KIR3DL3: variants seen among roughly 807,000 people sequenced by gnomAD.
The protein encoded by KIR3DL3 is killer cell immunoglobulin like receptor, three Ig domains and long cytoplasmic tail 3, also known as killer cell immunoglobulin-like receptor 3DL3.
In KIR3DL3, 27 loss-of-function variants were observed where a neutral mutation model predicts 34.9. The ratio of observed to expected loss-of-function variants is 0.77; its 90% CI spans 0.57 to 1.07. The LOEUF (loss-of-function observed/expected upper bound fraction) is 1.07. Among genes scored for constraint, KIR3DL3 ranks in the 50% least tolerant of loss-of-function variants. The pLI is 0.00. For missense variants in KIR3DL3, 681 were observed against 528.5 expected, an observed-to-expected ratio of 1.29 and a Z score of -2.83; for synonymous variants, 217 against 200.2, an observed-to-expected ratio of 1.08 and a Z score of -0.71.
chr19:54,729,821 A>C, intron 5 of KIR3DL3, 35 bp downstream of exon 5: 1 of 1,574,300 alleles, frequency 6.4e-7, no homozygotes, highest in East Asian at 2.3e-5. Flanking sequence ...ATGTCTTGTG[A>C]TCCTAGAGCC....
At chr19:54,724,568 G>C in intron 1 of KIR3DL3, 38 bp downstream of exon 1, 1 of 1,564,802 alleles carries the variant, frequency 6.4e-7, no homozygotes, top group Admixed American at 1.7e-5. Flanking sequence ...GGAGCGCTGG[G>C]GTGGAGATCT....
Position 54,727,922 on chromosome 19 carries a change from C to T in KIR3DL3, c.655+12C>T. ...CATCGTGGTCGTAGGTGAGAGAATA[C>T]AGACCTGCCTCTCACCCTTGCTGGG... On this transcript the variant is annotated intron_variant, in intron 4 of 7. Transcript: ENST00000291860. The T allele has an allele frequency of 3.1e-6, 5 of 1,596,872 alleles. No homozygotes were observed. Among genetic ancestry groups the T allele is most frequent in the Non-Finnish European group, 3.4e-6 (4 of 1,169,584 alleles).
chr19:54,724,874 G>T (rs1717774961), intron 1 of KIR3DL3, among the ~76,000 whole-genome samples: 1 of 148,026 alleles, frequency 6.8e-6, no homozygotes, highest in Non-Finnish European at 1.5e-5. Context: ...TATGGGCCTG[G>T]AGGTGGAGAT....
In KIR3DL3 at chr19:54,736,558, A is replaced by C. The variant is rs1340632233; in HGVS notation, c.*462A>C. Reference sequence around the variant, plus strand: ...TCAGAGTATCTTTCAGCCTTCTGTCAGCAGTAAAACTTATAAATTTTTTTT... The same window carrying C: ...TCAGAGTATCTTTCAGCCTTCTGTCCGCAGTAAAACTTATAAATTTTTTTT... On this transcript the variant is annotated 3_prime_UTR_variant, in exon 8 of 8. Coordinates refer to ENST00000291860, the MANE Select transcript of KIR3DL3 (RefSeq NM_153443.5). 2 of 152,400 alleles carry C rather than the reference A, an allele frequency of 1.3e-5. No individual in the cohort carries two copies. The highest frequency in any genetic ancestry group is 7.0e-5 in the Admixed American group (1 of 14,206). The allele number at this position is 152,400 out of a possible 1,614,324, so 9.4% of individuals were successfully genotyped here.
chr19:54,733,550 T>TATA lies in KIR3DL3; in HGVS notation c.950-1701_950-1700insAAT, dbSNP rs144502349. Among the ~76,000 whole-genome samples, 7 of 86,536 alleles carry TATA rather than the reference T, an allele frequency of 8.1e-5. No individual in the cohort carries two copies. In the East Asian group the frequency reaches 2.4e-3, roughly 29 times the overall value. 56.8% of individuals were successfully genotyped at this position (86,536 alleles called of 152,430 possible). A position where few individuals can be genotyped will look rare whatever the true frequency, so the allele number is the denominator to read the frequency against. On this transcript the variant is annotated intron_variant, in intron 5 of 7. Transcript: ENST00000291860. ...AAAATAAAAATAAAACATACATAAT[T>TATA]ATGACACACAGAAATTACAAAGGCA...
chr19:54,732,079 C>T (rs1411230996), intron 5 of KIR3DL3, among the ~76,000 whole-genome samples: 7 of 152,148 alleles, frequency 4.6e-5, no homozygotes, highest in Admixed American at 3.9e-4. Flanking sequence ...ATTCTCCTGC[C>T]TTCCACAAAT....
intron 5 of KIR3DL3, among the ~76,000 whole-genome samples, chr19:54,731,743 C>T (rs2068816064): frequency 6.6e-6 from 1 of 152,018 alleles, no homozygotes; most frequent in African/African-American, 2.4e-5. Flanking sequence ...GGCCCCTGGT[C>T]CCCTTCCTCC....
chr19:54,733,996 T>G (rs970041708), intron 5 of KIR3DL3, among the ~76,000 whole-genome samples: 6 of 152,204 alleles, frequency 3.9e-5, no homozygotes, highest in African/African-American at 1.4e-4. Flanking sequence ...TCCTTCCCCG[T>G]GCTTCTCGGG....
At position 54,735,272 on chromosome 19, in the gene KIR3DL3, C is replaced by G; in HGVS notation, c.969C>G (p.His323Gln). 1 of 1,512,290 alleles carries G rather than the reference C, an allele frequency of 6.6e-7. No individual in the cohort carries two copies. The highest frequency in any genetic ancestry group is 9.1e-7 in the Non-Finnish European group (1 of 1,098,800). The allele number at this position is 1,512,290 out of a possible 1,614,324, so 93.7% of individuals were successfully genotyped here. Residue 323 changes from histidine to glutamine, a missense_variant, in exon 6 of 8, where the codon CAC (histidine) becomes CAG (glutamine). Transcript: ENST00000291860. Reference sequence around the variant, plus strand: ...CTCCAGGTAACTCCAGAAACCTGCACGTTCTGATTGGGACCTCAGTGGTCA... The same window carrying G: ...CTCCAGGTAACTCCAGAAACCTGCAGGTTCTGATTGGGACCTCAGTGGTCA... ...VSVTGNSRNL[H>Q]VLIGTSVVII...
chr19:54,735,905 T>G, intron 7 of KIR3DL3, 33 bp downstream of exon 7: 1 of 1,605,662 alleles, frequency 6.2e-7, no homozygotes, highest in Non-Finnish European at 8.5e-7. Flanking sequence ...TCGTGGCTAG[T>G]CTTATTCCCA....
At chr19:54,731,593 C>T (rs1180418396) in intron 5 of KIR3DL3, among the ~76,000 whole-genome samples, 16 of 152,128 alleles carry the variant, frequency 1.1e-4, no homozygotes, top group African/African-American at 3.9e-4. Flanking sequence ...AATTATCTCA[C>T]AGTGCTGTAA....
chr19:54,727,676 A>C lies in KIR3DL3; in HGVS notation c.421A>C (p.Ile141Leu). The C allele has an allele frequency of 6.2e-7, 1 of 1,612,444 alleles. No homozygotes were observed. The highest frequency in any genetic ancestry group is 2.2e-5 in the East Asian group (1 of 44,668). The change falls in exon 4 of 8, where the codon ATC becomes CTC. Residue 141 changes from isoleucine (I) to leucine (L), a missense_variant. Physicochemically the swap from Ile to Leu is conservative, Grantham distance 5 (BLOSUM62 2). Transcript: ENST00000291860. ...CCTGGTGAAATCAGGAGAGACGGTC[A>C]TCCTGCAATGTTGGTCAGATGTCAG... Reference protein sequence around the residue: ...GPLVKSGETVILQCWSDVRFE... With the variant: ...GPLVKSGETVLLQCWSDVRFE...
chr19:54,728,412 T>C (rs1307798013), intron 4 of KIR3DL3, among the ~76,000 whole-genome samples: 33 of 147,164 alleles, frequency 2.2e-4, no homozygotes, highest in African/African-American at 8.0e-4. Flanking sequence ...CAGGACACCA[T>C]GGCCCCAGGT....
rs2069395787 is a variant in KIR3DL3 at position 54,735,366 on chromosome 19, C to T, written c.1054+9C>T. On this transcript the variant is annotated intron_variant, in intron 6 of 7. Coordinates refer to ENST00000291860, the MANE Select transcript of KIR3DL3 (RefSeq NM_153443.5). ...GTGTGCCAACAAAAAGAGTAAGTCT[C>T]ACGAAGCAGAAGCCAGAGAGCTCAG... is the stretch of plus-strand genomic sequence containing the variant. 3 of 1,281,362 alleles carry T rather than the reference C, an allele frequency of 2.3e-6. No homozygotes were observed. The highest frequency in any genetic ancestry group is 3.4e-6 in the Non-Finnish European group (3 of 881,710). 79.4% of individuals were successfully genotyped at this position (1,281,362 alleles called of 1,614,324 possible).
At chr19:54,725,634 G>A (rs768877837) in intron 2 of KIR3DL3, among the ~76,000 whole-genome samples, 73 of 152,240 alleles carry the variant, frequency 4.8e-4, no homozygotes, top group Admixed American at 2.8e-3. Context: ...ACCCTCCAGC[G>A]TTTCCATGAC....
In KIR3DL3 at chr19:54,729,799, C is replaced by T; in HGVS notation, c.949+13C>T. Reference sequence around the variant, plus strand: ...GTTTCTGTCACAGGTGAGAAAACACCATGCCTGTCCCATGTCTTGTGATCC... The same window carrying T: ...GTTTCTGTCACAGGTGAGAAAACACTATGCCTGTCCCATGTCTTGTGATCC... On this transcript the variant is annotated intron_variant, in intron 5 of 7. Coordinates refer to ENST00000291860, the MANE Select transcript of KIR3DL3 (RefSeq NM_153443.5). 4 of 1,591,432 alleles carry T rather than the reference C, an allele frequency of 2.5e-6. No homozygotes were observed. Among genetic ancestry groups the T allele is most frequent in the Non-Finnish European group, 3.4e-6 (4 of 1,170,468 alleles).
Position 54,729,755 on chromosome 19 carries a change from C to T in KIR3DL3, c.918C>T (p.Asp306=), listed in dbSNP as rs2068609838. Residue 306 remains aspartate (D), a synonymous_variant, in exon 5 of 8, where the codon GAC becomes GAT. Transcript: ENST00000291860. Reference sequence around the variant, plus strand: ...GTGCCCTGCCCCATGCGTGGTCAGACCCGAGTGACCCACTGCCCGTTTCTG... The same window carrying T: ...GTGCCCTGCCCCATGCGTGGTCAGATCCGAGTGACCCACTGCCCGTTTCTG... The part of the protein sequence containing the change: ...SFRALPHAWS[D]PSDPLPVSVT... 6.9e-6 allele frequency: 11 copies of T among 1,591,414 alleles called. No homozygotes were observed. The highest frequency in any genetic ancestry group is 3.3e-4 in the Middle Eastern group (2 of 6,020).
chr19:54,732,340 T>A (rs2146838813), intron 5 of KIR3DL3, among the ~76,000 whole-genome samples: 1 of 151,698 alleles, frequency 6.6e-6, no homozygotes, highest in African/African-American at 2.4e-5. Flanking sequence ...AACCTCTGCC[T>A]CCTGGGTTCA....
intron 4 of KIR3DL3, among the ~76,000 whole-genome samples, chr19:54,728,867 A>G (rs113804824): frequency 0.035 from 5,298 of 149,994 alleles, 105 homozygotes; most frequent in South Asian, 0.069. Flanking sequence ...TAGATAGATG[A>G]AAGATAAAAG....
Sources: gnomAD v4.1 joint callset for allele counts (sites outside exome capture counted in the v4.1 genomes callset) on GRCh38, gnomAD v4.1.1 for gene constraint, MANE v1.5 for transcripts, NCBI Gene and HGNC (gene_info 2026-07-23, HGNC 2026-07-21) for gene names.